The following TMEM135 variants were observed in gnomAD, a reference collection of about 807,000 sequenced individuals.
TMEM135 encodes transmembrane protein 135.
A neutral mutation model predicts 60.3 loss-of-function variants in TMEM135; 30 were observed. The ratio of observed to expected loss-of-function variants is 0.50; its 90% CI spans 0.37 to 0.68. The LOEUF is 0.68. Among genes scored for constraint, TMEM135 ranks in the 30% least tolerant of loss-of-function variants. TMEM135 has a pLI of 0.00. For synonymous variants in TMEM135, 190 were observed against 186.7 expected (o/e 1.02, Z -0.14); for missense variants, 468 against 548.8 (o/e 0.85, Z 1.47).
intron 6 of TMEM135, among the ~76,000 whole-genome samples, chr11:87,263,809 G>A (rs988040099): frequency 7.2e-5 from 11 of 152,014 alleles, no homozygotes; most frequent in African/African-American, 2.7e-4. Context: ...AGAGACAGAA[G>A]TGGAATTTTT....
intron 6 of TMEM135, among the ~76,000 whole-genome samples, chr11:87,249,058 CTTT>C (rs1361392475): frequency 1.3e-5 from 2 of 152,132 alleles, no homozygotes; most frequent in Non-Finnish European, 2.9e-5. Flanking sequence ...AATTTAACTT[CTTT>C]GTTTCCAATT....
intron 4 of TMEM135, among the ~76,000 whole-genome samples, chr11:87,143,542 A>C (rs145326278): frequency 6.6e-6 from 1 of 151,952 alleles, no homozygotes; most frequent in African/African-American, 2.4e-5. Context: ...GCTTTCTTTC[A>C]CCTGAGCTGT....
At chr11:87,195,483 A>G (rs1407418772) in intron 5 of TMEM135, among the ~76,000 whole-genome samples, 1 of 150,366 alleles carries the variant, frequency 6.7e-6, no homozygotes, top group Non-Finnish European at 1.5e-5. Context: ...CTGGAGTGCA[A>G]TGGCATGATC....
At chr11:87,192,409 C>T (rs1049412731) in intron 5 of TMEM135, among the ~76,000 whole-genome samples, 2 of 151,676 alleles carry the variant, frequency 1.3e-5, no homozygotes, top group East Asian at 3.9e-4. Flanking sequence ...CTTTTTTTTG[C>T]TGTAAGTCAA....
chr11:87,167,605 T>G (rs2135283238), intron 5 of TMEM135, among the ~76,000 whole-genome samples: 1 of 152,198 alleles, frequency 6.6e-6, no homozygotes, highest in South Asian at 2.1e-4. Flanking sequence ...TGTGATGGAG[T>G]ACGTTTATTG....
intron 6 of TMEM135, among the ~76,000 whole-genome samples, chr11:87,293,937 A>G (rs976170242): frequency 2.6e-5 from 4 of 152,230 alleles, no homozygotes; most frequent in Non-Finnish European, 4.4e-5. Flanking sequence ...GAATCGCTAT[A>G]CTGTCTTCCA....
At chr11:87,265,466 T>C (rs930987504) in intron 6 of TMEM135, among the ~76,000 whole-genome samples, 2 of 152,010 alleles carry the variant, frequency 1.3e-5, no homozygotes, top group African/African-American at 4.8e-5. Context: ...CTATTACTCC[T>C]CAATGTTTTC....
intron 5 of TMEM135, among the ~76,000 whole-genome samples, chr11:87,194,805 G>A (rs1299943039): frequency 1.3e-5 from 2 of 152,144 alleles, no homozygotes; most frequent in Non-Finnish European, 2.9e-5. Flanking sequence ...TCTCGTGAAA[G>A]TCAATGTTGT....
intron 4 of TMEM135, among the ~76,000 whole-genome samples, chr11:87,145,299 T>C (rs924852250): frequency 1.3e-5 from 2 of 152,206 alleles, no homozygotes; most frequent in Non-Finnish European, 2.9e-5. Context: ...ATAGTGTAAA[T>C]ACCTCACCTT....
chr11:87,275,920 C>A (rs1309301967), intron 6 of TMEM135, among the ~76,000 whole-genome samples: 1 of 152,142 alleles, frequency 6.6e-6, no homozygotes, highest in African/African-American at 2.4e-5. Flanking sequence ...TCTAGGCCTC[C>A]CAAAGTGCTG....
intron 6 of TMEM135, among the ~76,000 whole-genome samples, chr11:87,250,538 T>C (rs643937): frequency 0.66 from 99,920 of 151,614 alleles, 33,512 homozygotes; most frequent in Non-Finnish European, 0.71. Context: ...TTTTCATTGG[T>C]CACTCAGGAG....
chr11:87,277,964 T>G (rs1335496562), intron 6 of TMEM135, among the ~76,000 whole-genome samples: 2 of 152,244 alleles, frequency 1.3e-5, no homozygotes, highest in Admixed American at 6.5e-5. Context: ...TTTATCTATT[T>G]TTCCCTTGTA....
intron 4 of TMEM135, among the ~76,000 whole-genome samples, chr11:87,094,418 G>A (rs2135173054): frequency 6.6e-6 from 1 of 152,274 alleles, no homozygotes; most frequent in Middle Eastern, 3.4e-3. Flanking sequence ...TAATTTAGAG[G>A]TCTTGGAATG....
chr11:87,126,319 A>G (rs1481746875), intron 4 of TMEM135, among the ~76,000 whole-genome samples: 15 of 152,150 alleles, frequency 9.9e-5, no homozygotes, highest in Non-Finnish European at 2.1e-4. Context: ...GCCTGTGTGC[A>G]TAAATGTATA....
intron 4 of TMEM135, among the ~76,000 whole-genome samples, chr11:87,144,464 A>G (rs1288079537): frequency 1.3e-5 from 2 of 152,250 alleles, no homozygotes; most frequent in East Asian, 1.9e-4. Flanking sequence ...TACTTCATTT[A>G]TATAAACAGG....
At chr11:87,206,174 TA>T (rs1311821896) in intron 5 of TMEM135, among the ~76,000 whole-genome samples, 4 of 152,170 alleles carry the variant, frequency 2.6e-5, no homozygotes, top group Non-Finnish European at 5.9e-5. Flanking sequence ...GAAAGGACCA[TA>T]CTCTGTTTTA....
At chr11:87,155,227 G>A (rs1938661437) in intron 4 of TMEM135, among the ~76,000 whole-genome samples, 1 of 152,202 alleles carries the variant, frequency 6.6e-6, no homozygotes, top group South Asian at 2.1e-4. Flanking sequence ...TCGAACTCCT[G>A]AACTCAGGTT....
chr11:87,247,594 C>T (rs1941314081), intron 6 of TMEM135, among the ~76,000 whole-genome samples: 1 of 152,188 alleles, frequency 6.6e-6, no homozygotes, highest in Non-Finnish European at 1.5e-5. Flanking sequence ...TGCCACCTTG[C>T]AGTTTGATCA....
At chr11:87,059,407 C>T (rs1159045523) in intron 1 of TMEM135, among the ~76,000 whole-genome samples, 6 of 151,100 alleles carry the variant, frequency 4.0e-5, no homozygotes, top group African/African-American at 1.2e-4. Flanking sequence ...CAGATTCAAG[C>T]GATTCTCCTG....
Sources: gnomAD v4.1 joint callset for allele counts (sites outside exome capture counted in the v4.1 genomes callset) on GRCh38, gnomAD v4.1.1 for gene constraint, MANE v1.5 for transcripts, NCBI Gene and HGNC (gene_info 2026-07-23, HGNC 2026-07-21) for gene names.